Variants in SV2C observed in about 807,000 individuals in gnomAD.
SV2C encodes solute carrier family 22 member B3.
A neutral mutation model predicts 79.7 loss-of-function variants in SV2C; 49 were observed. The observed-to-expected ratio is 0.61, with a 90% CI of 0.49 to 0.78. The LOEUF (loss-of-function observed/expected upper bound fraction) is 0.78. Among genes scored for constraint, SV2C ranks in the 30% least tolerant of loss-of-function variants. The probability of loss-of-function intolerance (pLI) is 0.00; values close to 1 mark genes in which losing one functional copy is unlikely to be tolerated. For missense variants in SV2C, 833 were observed against 912.9 expected, an observed-to-expected ratio of 0.91 and a Z score of 1.13; for synonymous variants, 334 against 333.2, an observed-to-expected ratio of 1.00 and a Z score of -0.03.
chr5:76,233,311 GTTGCTTA>G (rs1384335958), intron 4 of SV2C, among the ~76,000 whole-genome samples: 1 of 136,028 alleles, frequency 7.4e-6, no homozygotes, highest in Non-Finnish European at 1.5e-5. Flanking sequence ...CTTTGCTGAA[GTTGCTTA>G]TCAGCTTAAG....
At chr5:76,272,351 T>C (rs1746898244) in intron 4 of SV2C, among the ~76,000 whole-genome samples, 1 of 152,198 alleles carries the variant, frequency 6.6e-6, no homozygotes, top group African/African-American at 2.4e-5. Flanking sequence ...AACAGAGAGC[T>C]TTTGTTGATC....
chr5:76,216,956 A>C (rs1384103542), intron 4 of SV2C, among the ~76,000 whole-genome samples: 2 of 152,198 alleles, frequency 1.3e-5, no homozygotes, highest in Non-Finnish European at 2.9e-5. Flanking sequence ...TTTCCCTTTT[A>C]AATTCATGTG....
the SV2C span, among the ~76,000 whole-genome samples, chr5:75,890,657 C>G: frequency 1.3e-5 from 2 of 152,062 alleles, no homozygotes; most frequent in Non-Finnish European, 2.9e-5. Context: ...TCCTATACCT[C>G]TTTGTTTAGT....
chr5:75,943,455 C>T, the SV2C span, among the ~76,000 whole-genome samples: 1 of 152,178 alleles, frequency 6.6e-6, no homozygotes, highest in East Asian at 1.9e-4. Context: ...ACACAATGTT[C>T]TCTTCTTCAG....
intron 1 of SV2C, among the ~76,000 whole-genome samples, chr5:76,124,889 T>C (rs749066846): frequency 9.9e-5 from 15 of 152,228 alleles, no homozygotes; most frequent in Non-Finnish European, 1.3e-4. Flanking sequence ...AAAGATTCTG[T>C]ACTAAATTGA....
At chr5:76,337,741 A>T (rs1428829830), downstream of SV2C, among the ~76,000 whole-genome samples, 1 of 152,194 alleles carries the variant, frequency 6.6e-6, no homozygotes, top group East Asian at 1.9e-4. Flanking sequence ...GGGAGACCTC[A>T]GGGCAGCCTG....
intron 2 of SV2C, among the ~76,000 whole-genome samples, chr5:76,138,664 G>A (rs1373335696): frequency 6.6e-6 from 1 of 152,180 alleles, no homozygotes; most frequent in African/African-American, 2.4e-5. Context: ...ATGGGAACCA[G>A]GGATTTTGTC....
the SV2C span, among the ~76,000 whole-genome samples, chr5:75,929,075 C>T: frequency 1.3e-5 from 2 of 152,196 alleles, no homozygotes; most frequent in African/African-American, 4.8e-5. Flanking sequence ...GAGGCCTCCC[C>T]CAAATCATTA....
chr5:75,985,496 A>C, the SV2C span, among the ~76,000 whole-genome samples: 2 of 151,982 alleles, frequency 1.3e-5, no homozygotes, highest in African/African-American at 4.8e-5. Context: ...ATATAATTTC[A>C]TCCAGTGCTC....
the SV2C span, among the ~76,000 whole-genome samples, chr5:76,007,285 C>T: frequency 1.3e-5 from 2 of 151,596 alleles, no homozygotes; most frequent in African/African-American, 4.8e-5. Context: ...GGGAGGCATA[C>T]ACAAACAATG....
At chr5:75,937,711 G>T in the SV2C span, among the ~76,000 whole-genome samples, 1 of 151,680 alleles carries the variant, frequency 6.6e-6, no homozygotes, top group Non-Finnish European at 1.5e-5. Context: ...TCTGTCTAAA[G>T]AAACAAAAAA....
At chr5:75,991,645 T>C in the SV2C span, among the ~76,000 whole-genome samples, 3 of 149,292 alleles carry the variant, frequency 2.0e-5, no homozygotes, top group Admixed American at 6.7e-5. Flanking sequence ...TATATAGATA[T>C]ATATTTGCAA....
At chr5:76,159,390 C>G (rs1259563700) in intron 2 of SV2C, among the ~76,000 whole-genome samples, 1 of 152,002 alleles carries the variant, frequency 6.6e-6, no homozygotes, top group Non-Finnish European at 1.5e-5. Flanking sequence ...CCAGGGACTC[C>G]ACTAAAAAAC....
chr5:76,234,337 ATCAC>A (rs1745542491), intron 4 of SV2C, among the ~76,000 whole-genome samples: 1 of 152,210 alleles, frequency 6.6e-6, no homozygotes, highest in African/African-American at 2.4e-5. Context: ...GAAAAAAATT[ATCAC>A]TCAAATTCTA....
chr5:75,969,518 G>A, the SV2C span, among the ~76,000 whole-genome samples: 4 of 152,162 alleles, frequency 2.6e-5, no homozygotes, highest in African/African-American at 9.7e-5. Flanking sequence ...GGCAGGCATT[G>A]CAATCCTAGT....
chr5:76,032,862 A>G, the SV2C span, among the ~76,000 whole-genome samples: 1 of 152,228 alleles, frequency 6.6e-6, no homozygotes, highest in Non-Finnish European at 1.5e-5. Context: ...CAGTCCCACC[A>G]ACAGTATAAA....
the SV2C span, among the ~76,000 whole-genome samples, chr5:76,003,468 T>C: frequency 6.6e-6 from 1 of 152,202 alleles, no homozygotes; most frequent in South Asian, 2.1e-4. Flanking sequence ...AATTTATAGA[T>C]AGGCAATTAT....
chr5:75,858,860 A>G, the SV2C span, among the ~76,000 whole-genome samples: 2 of 151,680 alleles, frequency 1.3e-5, no homozygotes, highest in Admixed American at 6.6e-5. Flanking sequence ...TTATTTTTCT[A>G]TTCCCAATTT....
upstream of SV2C, among the ~76,000 whole-genome samples, chr5:76,080,907 G>A (rs138399674): frequency 7.2e-5 from 11 of 152,202 alleles, no homozygotes; most frequent in Non-Finnish European, 1.6e-4. Context: ...TGGGGCCAAG[G>A]TGTGTGCCAG....
Sources: gnomAD v4.1 joint callset for allele counts (sites outside exome capture counted in the v4.1 genomes callset) on GRCh38, gnomAD v4.1.1 for gene constraint, MANE v1.5 for transcripts, NCBI Gene and HGNC (gene_info 2026-07-23, HGNC 2026-07-21) for gene names.